The following DOK5 variants were observed in gnomAD, a reference collection of about 807,000 sequenced individuals.
The protein encoded by DOK5 is docking protein 5.
DOK5 carries 27 observed loss-of-function variants against 43.3 expected under a neutral mutation model. That is an observed-to-expected ratio of 0.62 (90% CI 0.46 to 0.86). The LOEUF (loss-of-function observed/expected upper bound fraction) is 0.86. Ranked by LOEUF, DOK5 falls within the 40% of genes least tolerant of loss-of-function variation. DOK5 has a pLI of 0.00. For synonymous variants in DOK5, 146 were observed against 140.1 expected, an observed-to-expected ratio of 1.04 and a Z score of -0.30; for missense variants, 373 against 392.9, an observed-to-expected ratio of 0.95 and a Z score of 0.43.
chr20:54,488,620 C>G (rs757484749), intron 1 of DOK5, among the ~76,000 whole-genome samples: 1 of 152,040 alleles, frequency 6.6e-6, no homozygotes, highest in Non-Finnish European at 1.5e-5. Context: ...AGAACTTACT[C>G]TAAGAGACAT....
chr20:54,525,281 A>G (rs1401119702), intron 1 of DOK5, among the ~76,000 whole-genome samples: 1 of 152,210 alleles, frequency 6.6e-6, no homozygotes, highest in African/African-American at 2.4e-5. Context: ...ATATTACAAT[A>G]TTACAGGGAC....
At chr20:54,516,808 A>C (rs970479763) in intron 1 of DOK5, among the ~76,000 whole-genome samples, 2 of 152,224 alleles carry the variant, frequency 1.3e-5, no homozygotes, top group Admixed American at 6.5e-5. Flanking sequence ...TTGCCCTCAA[A>C]GAATTTACAG....
At chr20:54,480,991 C>CATTTATCT (rs1555822344) in intron 1 of DOK5, among the ~76,000 whole-genome samples, 2 of 143,162 alleles carry the variant, frequency 1.4e-5, no homozygotes, top group African/African-American at 5.7e-5. Flanking sequence ...TATCATCTAT[C>CATTTATCT]ATCTATCTAT....
intron 1 of DOK5, among the ~76,000 whole-genome samples, chr20:54,508,121 G>A (rs888020832): frequency 6.6e-6 from 1 of 152,008 alleles, no homozygotes; most frequent in Non-Finnish European, 1.5e-5. Flanking sequence ...GTTTAGACGG[G>A]GTTTTCAGAG....
chr20:54,505,062 CTG>C (rs1982754849), intron 1 of DOK5, among the ~76,000 whole-genome samples: 1 of 152,094 alleles, frequency 6.6e-6, no homozygotes, highest in African/African-American at 2.4e-5. Flanking sequence ...ATCCTTGAAT[CTG>C]TGCCTCATCC....
At chr20:54,603,762 C>T (rs899076066) in intron 5 of DOK5, among the ~76,000 whole-genome samples, 2 of 152,018 alleles carry the variant, frequency 1.3e-5, no homozygotes, top group Admixed American at 6.5e-5. Flanking sequence ...ATTACAAGCT[C>T]CTTAGAAATT....
rs542606728 is a variant in DOK5 at position 54,491,146 on chromosome 20, G to T, written c.66+15134G>T. ...GCATGCAGAATCATGCCTCACAACT[G>T]TAATGATTTCTTAAATTATTCATTT... is the stretch of plus-strand genomic sequence containing the variant. On this transcript the variant is annotated intron_variant, in intron 1 of 7. Transcript: ENST00000262593. Among the ~76,000 whole-genome samples, 10 of 152,272 alleles carry T rather than the reference G, an allele frequency of 6.6e-5. No individual in the cohort carries two copies. The South Asian group carries it at 2.1e-3, about 32-fold the overall frequency.
At position 54,631,804 on chromosome 20, in the gene DOK5, T is replaced by C. The variant is rs541904242; in HGVS notation, c.736-11654T>C. On this transcript the variant is annotated intron_variant, in intron 6 of 7. Transcript: ENST00000262593. ...CTGGCCAGCATGGTGAAACCCCGCC[T>C]GTAGTAAAAATACAAAAATTAGCTG... Among the ~76,000 whole-genome samples the C allele has an allele frequency of 3.9e-5, 6 of 152,220 alleles. No homozygotes were observed. In the South Asian group the frequency reaches 6.2e-4, roughly 16 times the overall value.
chr20:54,525,826 A>G (rs1380593157), intron 1 of DOK5, among the ~76,000 whole-genome samples: 6 of 152,238 alleles, frequency 3.9e-5, no homozygotes, highest in Non-Finnish European at 8.8e-5. Context: ...CTGAAATGAT[A>G]GAGGGATTTG....
At chr20:54,534,631 C>T (rs905136188) in intron 1 of DOK5, among the ~76,000 whole-genome samples, 49 of 152,124 alleles carry the variant, frequency 3.2e-4, no homozygotes, top group African/African-American at 1.1e-3. Context: ...AAAGCATACA[C>T]GTGAAATACT....
At chr20:54,479,307 T>C (rs1009219071) in intron 1 of DOK5, among the ~76,000 whole-genome samples, 14 of 152,166 alleles carry the variant, frequency 9.2e-5, no homozygotes, top group Admixed American at 4.6e-4. Flanking sequence ...TTAATCCCCA[T>C]TGTTTCCTGG....
intron 1 of DOK5, among the ~76,000 whole-genome samples, chr20:54,550,074 T>C (rs992330381): frequency 3.3e-5 from 5 of 151,806 alleles, no homozygotes; most frequent in African/African-American, 1.2e-4. Flanking sequence ...CATGGCTGAA[T>C]CTCCACCTGA....
chr20:54,620,146 C>T (rs1341606524), intron 6 of DOK5, among the ~76,000 whole-genome samples: 1 of 152,204 alleles, frequency 6.6e-6, no homozygotes, highest in Non-Finnish European at 1.5e-5. Flanking sequence ...CTTCAAAAAA[C>T]TTTTATGAAA....
intron 2 of DOK5, among the ~76,000 whole-genome samples, chr20:54,562,046 T>A (rs992929965): frequency 6.6e-6 from 1 of 152,216 alleles, no homozygotes; most frequent in Non-Finnish European, 1.5e-5. Flanking sequence ...CATCATCCAA[T>A]GCACTCTGGG....
intron 5 of DOK5, among the ~76,000 whole-genome samples, chr20:54,607,403 G>GGTGTGT (rs10684906): frequency 0.074 from 10,700 of 145,508 alleles, 533 homozygotes; most frequent in African/African-American, 0.15. Context: ...AGTGGTAAGT[G>GGTGTGT]GTGTGTGTGT....
intron 5 of DOK5, among the ~76,000 whole-genome samples, chr20:54,595,088 T>A (rs922731215): frequency 1.3e-5 from 2 of 152,180 alleles, no homozygotes; most frequent in Non-Finnish European, 2.9e-5. Context: ...ATGCCTGTAA[T>A]CCCAGCACTT....
At chr20:54,498,680 G>A (rs1035923941) in intron 1 of DOK5, among the ~76,000 whole-genome samples, 2 of 152,188 alleles carry the variant, frequency 1.3e-5, no homozygotes, top group African/African-American at 4.8e-5. Flanking sequence ...TAAGGGCCAC[G>A]ATCCTGGTGA....
chr20:54,631,367 G>C (rs1015757552), intron 6 of DOK5, among the ~76,000 whole-genome samples: 2 of 151,638 alleles, frequency 1.3e-5, no homozygotes, highest in Non-Finnish European at 2.9e-5. Context: ...AGTGAGCCAT[G>C]TTTTGCCACT....
intron 6 of DOK5, among the ~76,000 whole-genome samples, chr20:54,618,078 T>C (rs1193430849): frequency 6.6e-6 from 1 of 152,212 alleles, no homozygotes; most frequent in Non-Finnish European, 1.5e-5. Context: ...AGGCCTATGC[T>C]CCTACAGGGC....
Sources: allele counts gnomAD v4.1 joint callset (sites outside exome capture counted in the v4.1 genomes callset), GRCh38; gene constraint gnomAD v4.1.1; transcripts MANE v1.5; gene names NCBI Gene and HGNC (gene_info 2026-07-23, HGNC 2026-07-21).